Variants in ACSM2A observed in about 807,000 individuals in gnomAD.
ACSM2A encodes acyl-coenzyme A synthetase ACSM2A, mitochondrial.
A neutral mutation model predicts 76.6 loss-of-function variants in ACSM2A; 72 were observed. That is an observed-to-expected ratio of 0.94 (90% CI 0.78 to 1.14). The LOEUF is 1.14. Among genes scored for constraint, ACSM2A ranks in the 50% most tolerant of loss-of-function variants. The pLI is 0.00. For missense variants in ACSM2A, 684 were observed against 708.5 expected (o/e 0.97, Z 0.39); for synonymous variants, 249 against 255.9 (o/e 0.97, Z 0.26).
At position 20,475,637 on chromosome 16, in the gene ACSM2A, T is replaced by C. The variant is rs2013690329; in HGVS notation, c.975-13T>C. On this transcript the variant is annotated splice_polypyrimidine_tract_variant and intron_variant, in intron 7 of 13. Coordinates refer to ENST00000573854, the MANE Select transcript of ACSM2A (RefSeq NM_001308172.2). Reference sequence around the variant, plus strand: ...AGGGAGGCTGAGGGCAAACATTTATTTCTCTTCTTCAGTTACAAGTTCCCC... The same window carrying C: ...AGGGAGGCTGAGGGCAAACATTTATCTCTCTTCTTCAGTTACAAGTTCCCC... The C allele has an allele frequency of 6.8e-6, 11 of 1,613,932 alleles. No homozygotes were observed. In the East Asian group the frequency reaches 2.5e-4, roughly 36 times the overall value.
chr16:20,483,893 AG>A (rs1307266109), intron 13 of ACSM2A, among the ~76,000 whole-genome samples: 1 of 152,048 alleles, frequency 6.6e-6, no homozygotes, highest in Non-Finnish European at 1.5e-5. Context: ...AGGCATTCCT[AG>A]GATGTGGTCA....
chr16:20,483,106 C>A lies in ACSM2A; in HGVS notation c.1558C>A (p.Pro520Thr). 6.2e-7 allele frequency: 1 copy of A among 1,614,028 alleles called. No homozygotes were observed. The highest frequency in any genetic ancestry group is 1.1e-5 in the South Asian group (1 of 91,074). ...GGCCTCGCAGTTCCTGTCCCATGAC[C>A]CAGAACAGCTCACCAAGGAGCTGCA... ...VLASQFLSHD[P>T]EQLTKELQQH... is the part of the protein sequence containing the mutation. The change falls in exon 13 of 14, where the codon CCA becomes ACA. Residue 520 changes from proline to threonine, a missense_variant. Pro to Thr is a conservative substitution (Grantham distance 38, BLOSUM62 -1). Around this residue, in one of 3 missense-constraint regions of ACSM2A, gnomAD observed 159 missense variants for 132.5 expected, o/e 1.20. Transcript: ENST00000573854.
At chr16:20,466,794 G>A (rs917491707) in intron 3 of ACSM2A, among the ~76,000 whole-genome samples, 1 of 152,162 alleles carries the variant, frequency 6.6e-6, no homozygotes, top group Non-Finnish European at 1.5e-5. Context: ...ACCAGACTTA[G>A]GGTTTACCAT....
intron 3 of ACSM2A, among the ~76,000 whole-genome samples, chr16:20,466,551 G>A (rs1472112063): frequency 6.6e-6 from 1 of 152,222 alleles, no homozygotes; most frequent in Non-Finnish European, 1.5e-5. Flanking sequence ...CACCTCCCCA[G>A]GAAATCAGAG....
intron 4 of ACSM2A, among the ~76,000 whole-genome samples, chr16:20,469,986 T>C (rs1299147499): frequency 4.0e-5 from 6 of 150,848 alleles, no homozygotes; most frequent in African/African-American, 1.2e-4. Flanking sequence ...CTCTAAAGGA[T>C]TGAAAAGCAC....
Position 20,485,413 on chromosome 16 carries a change from GC to G in ACSM2A, c.1630-1160del, listed in dbSNP as rs966258835. Among the ~76,000 whole-genome samples, 484 of 152,258 alleles carry G rather than the reference GC, an allele frequency of 3.2e-3. 2 individuals are homozygous for G. The highest frequency in any genetic ancestry group is 0.011 in the African/African-American group (440 of 41,538). On this transcript the variant is annotated intron_variant, in intron 13 of 13. Coordinates refer to ENST00000573854, the MANE Select transcript of ACSM2A (RefSeq NM_001308172.2). ...CTTTCTACTTCTCTCTTCATGACAAGCAGAGTAGCTTCCTTCTTAGCATTAA... is the reference window on the plus strand; with the variant it reads ...CTTTCTACTTCTCTCTTCATGACAAGAGAGTAGCTTCCTTCTTAGCATTAA...
intron 1 of ACSM2A, among the ~76,000 whole-genome samples, chr16:20,459,189 G>GGTTAAGTGTGTACT (rs372865727): frequency 3.3e-5 from 5 of 151,924 alleles, no homozygotes; most frequent in African/African-American, 1.2e-4. Flanking sequence ...GTACAAAGTG[G>GGTTAAGTGTGTACT]GTTAAGTGTA....
At position 20,486,425 on chromosome 16, in the gene ACSM2A, A is replaced by C. The variant is rs530062870; in HGVS notation, c.1630-149A>C. ...CATCCTCTTATTGTCCTCATCCCAG[A>C]GCACTTTCTGAAGCTTCTTATTGCA... On this transcript the variant is annotated intron_variant, in intron 13 of 13. Transcript: ENST00000573854. 9 of 770,886 alleles carry C rather than the reference A, an allele frequency of 1.2e-5. No homozygotes were observed. The East Asian group carries it at 2.3e-4, about 19-fold the overall frequency. 47.8% of individuals were successfully genotyped at this position (770,886 alleles called of 1,614,324 possible). A position where few individuals can be genotyped will look rare whatever the true frequency, so the allele number is the denominator to read the frequency against.
At chr16:20,480,011 A>G (rs2013991621) in intron 10 of ACSM2A, among the ~76,000 whole-genome samples, 1 of 152,206 alleles carries the variant, frequency 6.6e-6, no homozygotes, top group Non-Finnish European at 1.5e-5. Flanking sequence ...CCATGCCCCT[A>G]TACCTGAGTC....
rs1393395330 is a variant in ACSM2A, at chr16:20,482,955, A to T, written c.1510-103A>T. 5.9e-6 allele frequency: 9 copies of T among 1,516,828 alleles called. No individual in the cohort carries two copies. The Admixed American group carries it at 1.5e-4, about 25-fold the overall frequency. The allele number at this position is 1,516,828 out of a possible 1,614,324, so 94.0% of individuals were successfully genotyped here. On this transcript the variant is annotated intron_variant, in intron 12 of 13. Coordinates refer to ENST00000573854, the MANE Select transcript of ACSM2A (RefSeq NM_001308172.2). Reference sequence around the variant, plus strand: ...ACCTGGATCACCGGGGGTGCAAATGAGGAGATACAAGGGTGATGGAAGTCT... The same window carrying T: ...ACCTGGATCACCGGGGGTGCAAATGTGGAGATACAAGGGTGATGGAAGTCT...
intron 2 of ACSM2A, among the ~76,000 whole-genome samples, chr16:20,460,993 A>G (rs2141695025): frequency 7.8e-6 from 1 of 128,758 alleles, no homozygotes; most frequent in Non-Finnish European, 1.6e-5. Flanking sequence ...AAAGAAAAAG[A>G]TGAAGAAATT....
intron 9 of ACSM2A, 124 bp downstream of exon 9, chr16:20,477,573 A>C: frequency 6.9e-7 from 1 of 1,453,488 alleles, no homozygotes; most frequent in Non-Finnish European, 9.1e-7. Context: ...AACATAAGAA[A>C]AAAAGGAGGT....
chr16:20,456,970 A>T (rs1384869586), intron 1 of ACSM2A, among the ~76,000 whole-genome samples: 1 of 151,868 alleles, frequency 6.6e-6, no homozygotes, highest in Non-Finnish European at 1.5e-5. Flanking sequence ...GAAATGGGAG[A>T]TATTACAACC....
At chr16:20,482,827 A>T (rs1427169504) in intron 12 of ACSM2A, 1 of 456,458 alleles carries the variant, frequency 2.2e-6, no homozygotes, top group Non-Finnish European at 3.8e-6. Context: ...TTGGAGTATG[A>T]GGTGAGCCTA....
chr16:20,455,004 AC>A, intron 1 of ACSM2A, among the ~76,000 whole-genome samples: 1 of 151,248 alleles, frequency 6.6e-6, no homozygotes, highest in African/African-American at 2.4e-5. Flanking sequence ...AGAAAAACAC[AC>A]TGAAAAGCCT....
chr16:20,474,160 C>A, intron 6 of ACSM2A: 1 of 379,812 alleles, frequency 2.6e-6, no homozygotes, highest in Non-Finnish European at 5.1e-6. Context: ...CTCAGGACAT[C>A]CTGAGGGCTC....
chr16:20,454,853 A>C (rs77832957), intron 1 of ACSM2A, among the ~76,000 whole-genome samples: 49,207 of 147,322 alleles, frequency 0.33, 7,942 homozygotes, highest in East Asian at 0.62. Context: ...AAGGGCAATT[A>C]TTAAGCTAAT....
chr16:20,475,548 T>G, intron 7 of ACSM2A, 102 bp from the exon 8 acceptor site: 1 of 1,604,392 alleles, frequency 6.2e-7, no homozygotes, highest in Non-Finnish European at 8.5e-7. Context: ...GAGAGCCCCA[T>G]GAAGCCATTT....
chr16:20,459,462 C>A (rs746154374), intron 1 of ACSM2A, among the ~76,000 whole-genome samples: 1 of 152,216 alleles, frequency 6.6e-6, no homozygotes, highest in Non-Finnish European at 1.5e-5. Flanking sequence ...AGCTTTTAGT[C>A]ATGCATATTT....
Sources: allele counts gnomAD v4.1 joint callset (sites outside exome capture counted in the v4.1 genomes callset), GRCh38; gene constraint gnomAD v4.1.1; regional missense constraint gnomAD v4.1.1; transcripts MANE v1.5; gene names NCBI Gene and HGNC (gene_info 2026-07-23, HGNC 2026-07-21).